Variants in DCUN1D2 observed in about 807,000 individuals in gnomAD.
DCUN1D2 encodes DCN1-like protein 2.
A neutral mutation model predicts 30.9 loss-of-function variants in DCUN1D2; 29 were observed. The ratio of observed to expected loss-of-function variants is 0.94; its 90% CI spans 0.70 to 1.28. DCUN1D2 has a LOEUF of 1.28. DCUN1D2 is among the 50% of genes most tolerant of loss of function. DCUN1D2 has a pLI of 0.00. For missense variants in DCUN1D2, 325 were observed against 316.9 expected, an observed-to-expected ratio of 1.03 and a Z score of -0.19; for synonymous variants, 121 against 115.3, an observed-to-expected ratio of 1.05 and a Z score of -0.32.
rs368159727 is a variant in DCUN1D2 at position 113,488,531 on chromosome 13, G to A, written c.3+2136C>T. On this transcript the variant is annotated intron_variant, in intron 1 of 6. Transcript: ENST00000478244. The surrounding 1 kb of genome is among the most constrained non-coding windows in gnomAD (Gnocchi z 4.3). ...ATAAAGCTTCTTAGGAAACAAAAAGGCTCGTCAACTAAAAAACTACAGGGG... is the reference window on the plus strand; with the variant it reads ...ATAAAGCTTCTTAGGAAACAAAAAGACTCGTCAACTAAAAAACTACAGGGG... Among the ~76,000 whole-genome samples, 4 of 152,180 alleles carry A rather than the reference G, an allele frequency of 2.6e-5. No homozygotes were observed. Among genetic ancestry groups the A allele is most frequent in the Non-Finnish European group, 4.4e-5 (3 of 68,034 alleles).
Position 113,490,654 on chromosome 13 carries a change from C to G in DCUN1D2, c.3+13G>C. The G allele has an allele frequency of 8.0e-7, 1 of 1,246,842 alleles. No homozygotes were observed. The highest frequency in any genetic ancestry group is 1.0e-6 in the Non-Finnish European group (1 of 995,274). 77.2% of individuals were successfully genotyped at this position (1,246,842 alleles called of 1,614,324 possible). A position where few individuals can be genotyped will look rare whatever the true frequency, so the allele number is the denominator to read the frequency against. On this transcript the variant is annotated intron_variant, in intron 1 of 6. Transcript: ENST00000478244. The surrounding 1 kb of genome is among the most constrained non-coding windows in gnomAD (Gnocchi z 5.2). ...CCGACCCCGACGGGCAGAGGCGACG[C>G]CGGGCCACCTACCATCTCCCCCGCG...
intron 4 of DCUN1D2, 111 bp from the exon 5 acceptor site, chr13:113,461,247 T>C: frequency 1.5e-6 from 1 of 684,854 alleles, no homozygotes; most frequent in Non-Finnish European, 2.5e-6. Flanking sequence ...TGTGGCAATC[T>C]CACCCAAGAG....
At chr13:113,475,704 T>TAG (rs1300586601) in intron 3 of DCUN1D2, among the ~76,000 whole-genome samples, 1 of 152,008 alleles carries the variant, frequency 6.6e-6, no homozygotes, top group African/African-American at 2.4e-5. Flanking sequence ...CTGGGCAACA[T>TAG]AGAGAGACCC....
chr13:113,456,846 T>C lies in DCUN1D2; in HGVS notation c.*1183A>G, dbSNP rs985824861. On this transcript the variant is annotated 3_prime_UTR_variant, in exon 7 of 7. Transcript: ENST00000478244. ...GGGCACTACGGGTACCACAAGAGGA[T>C]GGAAAGAACCAGCTCATTCGGTTTT... The C allele has an allele frequency of 6.5e-6, 1 of 153,606 alleles. No homozygotes were observed. The highest frequency in any genetic ancestry group is 6.5e-5 in the Admixed American group (1 of 15,296). 9.5% of individuals were successfully genotyped at this position (153,606 alleles called of 1,614,324 possible). A position where few individuals can be genotyped will look rare whatever the true frequency, so the allele number is the denominator to read the frequency against.
intron 4 of DCUN1D2, among the ~76,000 whole-genome samples, chr13:113,466,226 G>A (rs2044400457): frequency 6.6e-6 from 1 of 152,170 alleles, no homozygotes; most frequent in South Asian, 2.1e-4. Context: ...GAATACTGAT[G>A]ATAGTTACTG....
At chr13:113,485,924 C>T (rs999229630) in intron 1 of DCUN1D2, among the ~76,000 whole-genome samples, 11 of 152,002 alleles carry the variant, frequency 7.2e-5, no homozygotes, top group Non-Finnish European at 1.0e-4. Context: ...CAGGAATGAA[C>T]GCGAGATTCG....
chr13:113,490,659 C>G lies in DCUN1D2; in HGVS notation c.3+8G>C. ...CCCGACGGGCAGAGGCGACGCCGGG[C>G]CACCTACCATCTCCCCCGCGCCGCC... On this transcript the variant is annotated splice_region_variant and intron_variant, in intron 1 of 6. Transcript: ENST00000478244. This position sits in a 1 kb window ranked among gnomAD's most constrained non-coding sequence, Gnocchi z 5.2. 1.6e-6 allele frequency: 2 copies of G among 1,249,094 alleles called. No homozygotes were observed. The highest frequency in any genetic ancestry group is 3.5e-5 in the East Asian group (1 of 28,840). The allele number at this position is 1,249,094 out of a possible 1,614,324, so 77.4% of individuals were successfully genotyped here.
At chr13:113,460,771 G>C (rs1040898721) in intron 5 of DCUN1D2, among the ~76,000 whole-genome samples, 1 of 152,364 alleles carries the variant, frequency 6.6e-6, no homozygotes, top group African/African-American at 2.4e-5. Flanking sequence ...GGGCTGCTGG[G>C]GTTGCAGAGT....
intron 1 of DCUN1D2, chr13:113,489,076 T>G: frequency 5.1e-6 from 5 of 981,182 alleles, no homozygotes; most frequent in Non-Finnish European, 3.6e-6. Flanking sequence ...AAAATGTCCT[T>G]AGGGTCAACT....
chr13:113,466,015 A>G (rs902055723), intron 4 of DCUN1D2, among the ~76,000 whole-genome samples: 2 of 152,164 alleles, frequency 1.3e-5, no homozygotes, highest in Non-Finnish European at 2.9e-5. Flanking sequence ...CCTCCTGAGT[A>G]GCTGGGACTA....
intron 4 of DCUN1D2, among the ~76,000 whole-genome samples, chr13:113,464,999 T>C (rs902597603): frequency 1.2e-4 from 19 of 152,210 alleles, no homozygotes; most frequent in African/African-American, 4.6e-4. Context: ...CATTATAAGA[T>C]AAAAATTCTT....
At chr13:113,474,572 A>C (rs1028393535) in intron 3 of DCUN1D2, among the ~76,000 whole-genome samples, 2 of 152,368 alleles carry the variant, frequency 1.3e-5, no homozygotes, top group East Asian at 3.9e-4. Flanking sequence ...ATTCGATCTC[A>C]GTAAAATTAT....
At chr13:113,460,266 G>A (rs2044297441) in intron 5 of DCUN1D2, among the ~76,000 whole-genome samples, 1 of 152,238 alleles carries the variant, frequency 6.6e-6, no homozygotes, top group Admixed American at 6.5e-5. Context: ...AAGCGGAAGT[G>A]ACGTGCCCAA....
At position 113,457,472 on chromosome 13, in the gene DCUN1D2, TA is replaced by T. The variant is rs143495578; in HGVS notation, c.*556del. The T allele has an allele frequency of 0.024, 3,667 of 152,364 alleles. 100 individuals carry two copies. The highest frequency in any genetic ancestry group is 0.12 in the East Asian group (610 of 5,184). 9.4% of individuals were successfully genotyped at this position (152,364 alleles called of 1,614,324 possible). A position where few individuals can be genotyped will look rare whatever the true frequency, so the allele number is the denominator to read the frequency against. On this transcript the variant is annotated 3_prime_UTR_variant, in exon 7 of 7. Coordinates refer to ENST00000478244, the MANE Select transcript of DCUN1D2 (RefSeq NM_001014283.2). ...AAAATGAAAACAAAAATAGAGCTGGTAAATCTAGATATTTGGTAATTCAAAA... is the reference window on the plus strand; with the variant it reads ...AAAATGAAAACAAAAATAGAGCTGGTAATCTAGATATTTGGTAATTCAAAA...
At chr13:113,458,766 C>T (rs1042908729) in intron 6 of DCUN1D2, among the ~76,000 whole-genome samples, 4 of 152,174 alleles carry the variant, frequency 2.6e-5, no homozygotes, top group South Asian at 2.1e-4. Context: ...GATCACTGCC[C>T]GCCGAGGGGG....
rs1396061616 is a variant in DCUN1D2 at position 113,456,599 on chromosome 13, T to C, written c.*1430A>G. 1.6e-5 allele frequency: 6 copies of C among 381,150 alleles called. No homozygotes were observed. Among genetic ancestry groups the C allele is most frequent in the Non-Finnish European group, 2.3e-5 (5 of 215,574 alleles). 23.6% of individuals were successfully genotyped at this position (381,150 alleles called of 1,614,324 possible). ...GACATGAGAGTCTCGGCACGTGAGG[T>C]AGGGTCAACAGTGATGTCCACAACT... is the stretch of plus-strand genomic sequence containing the variant. On this transcript the variant is annotated 3_prime_UTR_variant, in exon 7 of 7. Transcript: ENST00000478244.
rs776984257 is a variant in DCUN1D2 at position 113,461,102 on chromosome 13, C to G, written c.555G>C (p.Val185=). ...CTAAAAATTTAAACCTTCCAGATAA[C>G]ACTAATTTCCAATACGCAACAGCCA... ...LEMAVAYWKL[V]LSGRFKFLDL... is the part of the protein sequence containing the mutation. The change falls in exon 5 of 7, where the codon GTG becomes GTC. Residue 185 remains valine (V), a synonymous_variant. Coordinates refer to ENST00000478244, the MANE Select transcript of DCUN1D2 (RefSeq NM_001014283.2). The G allele has an allele frequency of 4.3e-6, 7 of 1,610,866 alleles. No individual in the cohort carries two copies. In the Admixed American group the frequency reaches 1.2e-4, roughly 27 times the overall value.
intron 4 of DCUN1D2, among the ~76,000 whole-genome samples, chr13:113,464,694 AGGCAGGTGGG>A (rs1326373563): frequency 6.6e-6 from 1 of 152,236 alleles, no homozygotes. Flanking sequence ...GGGCAGCTGG[AGGCAGGTGGG>A]AGGCCATGGC....
In DCUN1D2 at chr13:113,462,873, T is replaced by A. The variant is rs545191965; in HGVS notation, c.521-1737A>T. The A allele has an allele frequency of 1.6e-5, 20 of 1,260,964 alleles. No individual in the cohort carries two copies. In the South Asian group the frequency reaches 2.3e-4, roughly 15 times the overall value. 78.1% of individuals were successfully genotyped at this position (1,260,964 alleles called of 1,614,324 possible). On this transcript the variant is annotated intron_variant, in intron 4 of 6. Transcript: ENST00000478244. Reference sequence around the variant, plus strand: ...ATCTTAATGATGTAAAGCTTTCACATTGAGAAATGGAGGTGAACCTGGGGA... The same window carrying A: ...ATCTTAATGATGTAAAGCTTTCACAATGAGAAATGGAGGTGAACCTGGGGA...
Sources: allele counts gnomAD v4.1 joint callset (sites outside exome capture counted in the v4.1 genomes callset), GRCh38; gene constraint gnomAD v4.1.1; non-coding constraint Gnocchi (gnomAD v3.1); transcripts MANE v1.5; gene names NCBI Gene and HGNC (gene_info 2026-07-23, HGNC 2026-07-21).